Variants in ATXN7 observed in about 807,000 individuals in gnomAD.
The protein encoded by ATXN7 is ataxin-7.
ATXN7 carries 12 observed loss-of-function variants against 70.5 expected under a neutral mutation model. The observed-to-expected ratio is 0.17, with a 90% CI of 0.11 to 0.28. The LOEUF (loss-of-function observed/expected upper bound fraction) is 0.28. Among genes scored for constraint, ATXN7 ranks in the 10% least tolerant of loss-of-function variants. The probability of loss-of-function intolerance (pLI) is 1.00; values close to 1 mark genes in which losing one functional copy is unlikely to be tolerated. For synonymous variants in ATXN7, 498 were observed against 448.7 expected (o/e 1.11, Z -1.39); for missense variants, 1,256 against 1,131.7 (o/e 1.11, Z -1.58).
At position 63,990,808 on chromosome 3, in the gene ATXN7, G is replaced by A. The variant is rs189422868; in HGVS notation, c.1631G>A (p.Arg544His). The stretch of plus-strand genomic sequence containing the variant: ...TTTGACTCCAGGTGGAATCGACTTC[G>A]CTGCGCCCTCAACCTCATGGTGGAG... ...YVFDSRWNRLRCALNLMVEKH... is the reference protein window; with the variant it reads ...YVFDSRWNRLHCALNLMVEKH... The change falls in exon 11 of 13, where the codon CGC (arginine) becomes CAC (histidine). Residue 544 changes from arginine to histidine, a missense_variant. Coordinates refer to ENST00000674280, the MANE Select transcript of ATXN7 (RefSeq NM_001377405.1). 18 of 1,614,198 alleles carry A rather than the reference G, an allele frequency of 1.1e-5. No homozygotes were observed. The highest frequency in any genetic ancestry group is 8.9e-5 in the East Asian group (4 of 44,884).
At chr3:63,928,169 C>T (rs551585552) in intron 4 of ATXN7, among the ~76,000 whole-genome samples, 6 of 152,296 alleles carry the variant, frequency 3.9e-5, no homozygotes, top group South Asian at 2.1e-4. Flanking sequence ...AGCGCAGTGG[C>T]TCACGCCTGT....
At chr3:63,936,429 C>T (rs1249449869) in intron 4 of ATXN7, among the ~76,000 whole-genome samples, 3 of 152,146 alleles carry the variant, frequency 2.0e-5, no homozygotes, top group Admixed American at 6.5e-5. Context: ...AAATAGCCAA[C>T]TGAATGCTCC....
chr3:63,988,395 A>G, intron 9 of ATXN7, 71 bp downstream of exon 9: 1 of 1,579,030 alleles, frequency 6.3e-7, no homozygotes, highest in African/African-American at 1.4e-5. Context: ...AAATTTCAGT[A>G]TGGTCATGCT....
intron 8 of ATXN7, among the ~76,000 whole-genome samples, chr3:63,983,447 A>T (rs902713486): frequency 6.6e-5 from 10 of 152,182 alleles, no homozygotes; most frequent in Admixed American, 2.0e-4. Flanking sequence ...ACCACTTTTT[A>T]AAAAATCTGT....
intron 4 of ATXN7, among the ~76,000 whole-genome samples, chr3:63,919,673 A>C (rs559478975): frequency 6.6e-6 from 1 of 151,576 alleles, no homozygotes; most frequent in African/African-American, 2.4e-5. Context: ...ATATGTATAC[A>C]TGCGCCATGT....
intron 4 of ATXN7, among the ~76,000 whole-genome samples, chr3:63,923,596 T>C (rs2107322789): frequency 6.6e-6 from 1 of 152,040 alleles, no homozygotes; most frequent in East Asian, 1.9e-4. Flanking sequence ...CACTTGAGTT[T>C]AGGAGTTTGA....
chr3:63,968,334 AC>A lies in ATXN7; in HGVS notation c.500-11580del, dbSNP rs1176152011. On this transcript the variant is annotated intron_variant, in intron 5 of 12. Transcript: ENST00000674280. ...GGAGCCGAGTTTGTTATTAACTCCAACAAAATGCTGAGGTTTGCACCAAACA... is the reference window on the plus strand; with the variant it reads ...GGAGCCGAGTTTGTTATTAACTCCAAAAAATGCTGAGGTTTGCACCAAACA... The A allele has an allele frequency of 6.5e-5, 14 of 216,172 alleles. No individual in the cohort carries two copies. The Admixed American group carries it at 7.9e-4, about 12-fold the overall frequency. The allele number at this position is 216,172 out of a possible 1,614,324, so 13.4% of individuals were successfully genotyped here. A position where few individuals can be genotyped will look rare whatever the true frequency, so the allele number is the denominator to read the frequency against.
chr3:63,984,292 A>G lies in ATXN7; in HGVS notation c.1095+1271A>G, dbSNP rs140467070. ...ATTCTGAATTTTTCTATCTTGGATT[A>G]ATGGACACCCCCACCCCAAGCCCAT... is the stretch of plus-strand genomic sequence containing the variant. On this transcript the variant is annotated intron_variant, in intron 8 of 12. Transcript: ENST00000674280. 2.0e-3 allele frequency among the ~76,000 whole-genome samples: 305 copies of G among 152,230 alleles called. 4 individuals carry two copies. Among genetic ancestry groups the G allele is most frequent in the Non-Finnish European group, 4.1e-4 (28 of 68,008 alleles).
chr3:63,967,700 A>G, intron 5 of ATXN7: 1 of 1,140,314 alleles, frequency 8.8e-7, no homozygotes. Flanking sequence ...ACCAGCCAGG[A>G]CGCCTTGTAT....
intron 5 of ATXN7, among the ~76,000 whole-genome samples, chr3:63,966,204 A>T (rs2075219545): frequency 6.6e-6 from 1 of 152,184 alleles, no homozygotes; most frequent in Admixed American, 6.5e-5. Context: ...TCATACAAGT[A>T]CAGTGATAGG....
At chr3:63,982,866 C>G (rs953784630) in intron 7 of ATXN7, 73 bp from the exon 8 acceptor site, 1 of 1,146,492 alleles carries the variant, frequency 8.7e-7, no homozygotes, top group Non-Finnish European at 1.3e-6. Context: ...TTGATTTCTT[C>G]TATTTTCTTG....
At chr3:63,945,081 C>T (rs72880349) in intron 4 of ATXN7, among the ~76,000 whole-genome samples, 2,655 of 152,276 alleles carry the variant, frequency 0.017, 89 homozygotes, top group African/African-American at 0.059. Context: ...CATGAGCCAC[C>T]GCACCCAACC....
rs754501847 is a variant in ATXN7, at chr3:63,990,323, T to C, written c.1509T>C (p.Ser503=). 6.2e-7 allele frequency: 1 copy of C among 1,614,176 alleles called. No individual in the cohort carries two copies. Among genetic ancestry groups the C allele is most frequent in the South Asian group, 1.1e-5 (1 of 91,082 alleles). The change falls in exon 10 of 13, where the codon TCT becomes TCC. Residue 503 remains serine (S), a synonymous_variant. Coordinates refer to ENST00000674280, the MANE Select transcript of ATXN7 (RefSeq NM_001377405.1). ...EEGEGDDKEE[S]VEKLDCHYSG... ...GCGAAGGCGATGACAAAGAAGAGTCTGTTGAAAAACTGGACTGTCATTATT... is the reference window on the plus strand; with the variant it reads ...GCGAAGGCGATGACAAAGAAGAGTCCGTTGAAAAACTGGACTGTCATTATT...
At position 63,913,378 on chromosome 3, in the gene ATXN7, G is replaced by T. The variant is rs377419770; in HGVS notation, c.394+153G>T. ...TGAGGAGGGAGGGAGGGGGCAGAGC[G>T]CTTGGAAAGTTTGGTTTGGGGGCCT... is the stretch of plus-strand genomic sequence containing the variant. On this transcript the variant is annotated intron_variant, in intron 4 of 12. Coordinates refer to ENST00000674280, the MANE Select transcript of ATXN7 (RefSeq NM_001377405.1). Among the ~76,000 whole-genome samples, 16 of 152,280 alleles carry T rather than the reference G, an allele frequency of 1.1e-4. No individual in the cohort carries two copies. The South Asian group carries it at 2.7e-3, about 26-fold the overall frequency.
chr3:63,930,791 A>C (rs1704922912), intron 4 of ATXN7, among the ~76,000 whole-genome samples: 1 of 152,026 alleles, frequency 6.6e-6, no homozygotes, highest in African/African-American at 2.4e-5. Flanking sequence ...TGGCCTCTCA[A>C]AGTGCTGGGA....
At chr3:63,968,532 G>T in intron 5 of ATXN7, 1 of 152,202 alleles carries the variant, frequency 6.6e-6, no homozygotes, top group East Asian at 1.9e-4. Flanking sequence ...TGTTTTGTCA[G>T]ATACTTCAAT....
chr3:63,917,514 A>C (rs1461434243), intron 4 of ATXN7, among the ~76,000 whole-genome samples: 2 of 152,202 alleles, frequency 1.3e-5, no homozygotes, highest in Non-Finnish European at 2.9e-5. Context: ...ATATTGTGTC[A>C]TTGTAGGAGT....
At chr3:63,875,188 G>A (rs1200900650) in intron 1 of ATXN7, among the ~76,000 whole-genome samples, 1 of 152,014 alleles carries the variant, frequency 6.6e-6, no homozygotes, top group African/African-American at 2.4e-5. Flanking sequence ...CTCCTGAGTG[G>A]CAAGTGATTC....
At position 63,912,666 on chromosome 3, in the gene ATXN7, C is replaced by T; in HGVS notation, c.68C>T (p.Ala23Val). The T allele has an allele frequency of 2.8e-6, 3 of 1,053,820 alleles. No homozygotes were observed. Among genetic ancestry groups the T allele is most frequent in the Non-Finnish European group, 3.4e-6 (3 of 872,574 alleles). The allele number at this position is 1,053,820 out of a possible 1,614,324, so 65.3% of individuals were successfully genotyped here. The change falls in exon 3 of 13, where the codon GCA becomes GTA. Residue 23 changes from alanine (A) to valine (V), a missense_variant. By Grantham distance (64) the Ala-to-Val change is moderately conservative. Coordinates refer to ENST00000674280, the MANE Select transcript of ATXN7 (RefSeq NM_001377405.1). Reference protein sequence around the residue: ...PRRAAAAAGGAAAAAARQQQQ... With the variant: ...PRRAAAAAGGVAAAAARQQQQ... ...CGCGCGGCGGCGGCGGCGGGCGGAG[C>T]AGCGGCCGCGGCCGCCCGGCAGCAG... is the stretch of plus-strand genomic sequence containing the variant.
Sources: allele counts gnomAD v4.1 joint callset (sites outside exome capture counted in the v4.1 genomes callset), GRCh38; gene constraint gnomAD v4.1.1; transcripts MANE v1.5; gene names NCBI Gene and HGNC (gene_info 2026-07-23, HGNC 2026-07-21).